The following PTPRD variants were observed in gnomAD, a reference collection of about 807,000 sequenced individuals.
PTPRD encodes the protein protein tyrosine phosphatase receptor type D.
A neutral mutation model predicts 214.5 loss-of-function variants in PTPRD; 34 were observed. That is an observed-to-expected ratio of 0.16 (90% CI 0.12 to 0.21). PTPRD has a LOEUF of 0.21. PTPRD is among the 10% of genes least tolerant of loss of function. PTPRD has a pLI of 1.00. For missense variants in PTPRD, 2,545 were observed against 2,398.7 expected, an observed-to-expected ratio of 1.06 and a Z score of -1.27; for synonymous variants, 1,128 against 845.7, an observed-to-expected ratio of 1.33 and a Z score of -5.79.
intron 8 of PTPRD, among the ~76,000 whole-genome samples, chr9:9,515,035 C>T (rs2096800167): frequency 6.6e-6 from 1 of 152,046 alleles, no homozygotes; most frequent in African/African-American, 2.4e-5. Flanking sequence ...TGCTTTAATA[C>T]TACATTTATA....
chr9:9,405,738 G>A (rs567853403), intron 8 of PTPRD, among the ~76,000 whole-genome samples: 7 of 152,028 alleles, frequency 4.6e-5, no homozygotes, highest in African/African-American at 1.7e-4. Flanking sequence ...CCTGTACCTT[G>A]GGGGAGACAG....
chr9:8,579,187 T>C (rs1372666668), intron 14 of PTPRD, among the ~76,000 whole-genome samples: 2 of 152,346 alleles, frequency 1.3e-5, no homozygotes, highest in Middle Eastern at 3.4e-3. Context: ...ATTTTCTTTG[T>C]AAATGTGAAA....
intron 45 of PTPRD, among the ~76,000 whole-genome samples, chr9:8,319,154 C>G (rs1824746613): frequency 6.6e-6 from 1 of 152,022 alleles, no homozygotes; most frequent in South Asian, 2.1e-4. Flanking sequence ...CTGAAAGATA[C>G]TGTGGATGAT....
intron 11 of PTPRD, among the ~76,000 whole-genome samples, chr9:8,869,955 A>G (rs761240659): frequency 2.0e-5 from 3 of 152,084 alleles, no homozygotes; most frequent in African/African-American, 4.8e-5. Context: ...TTCAGCAGTC[A>G]GCTGTAATTA....
chr9:10,345,189 A>G (rs2097048308), intron 2 of PTPRD, among the ~76,000 whole-genome samples: 1 of 152,184 alleles, frequency 6.6e-6, no homozygotes. Context: ...AATAATCAAA[A>G]TTATAAATTT....
chr9:10,316,023 G>C (rs928886134), intron 3 of PTPRD, among the ~76,000 whole-genome samples: 2 of 151,634 alleles, frequency 1.3e-5, no homozygotes, highest in East Asian at 3.9e-4. Flanking sequence ...AAGACACAAA[G>C]TGAGCTGAAC....
intron 5 of PTPRD, among the ~76,000 whole-genome samples, chr9:9,838,517 C>T (rs1448469346): frequency 1.3e-5 from 2 of 152,056 alleles, no homozygotes; most frequent in South Asian, 2.1e-4. Flanking sequence ...CTCTGATGGC[C>T]AGTGATGGTG....
At chr9:9,280,209 G>A (rs62535762) in intron 9 of PTPRD, among the ~76,000 whole-genome samples, 1 of 151,064 alleles carries the variant, frequency 6.6e-6, no homozygotes, top group South Asian at 2.1e-4. Context: ...GACTTAAGTG[G>A]AGAATCCATA....
chr9:10,026,482 G>T (rs2096925466), intron 4 of PTPRD, among the ~76,000 whole-genome samples: 1 of 152,178 alleles, frequency 6.6e-6, no homozygotes, highest in Non-Finnish European at 1.5e-5. Context: ...TTTCTCAAGA[G>T]TCATGGAAAT....
At chr9:9,798,791 T>C (rs763598140) in intron 5 of PTPRD, among the ~76,000 whole-genome samples, 57 of 152,156 alleles carry the variant, frequency 3.7e-4, no homozygotes, top group Admixed American at 1.3e-4. Context: ...ACACAGCAAA[T>C]TGGAAGCAAA....
rs1473879109 is a variant in PTPRD, at chr9:9,461,442, GC to G, written c.-236-63961del. ...AAATCAGCCTCTCTCAAGTCAAGTA[GC>G]CCAGGGAGAAGATTTAATGGAATTA... On this transcript the variant is annotated intron_variant, in intron 8 of 45. Coordinates refer to ENST00000381196, the MANE Select transcript of PTPRD (RefSeq NM_002839.4). Among the ~76,000 whole-genome samples the G allele has an allele frequency of 7.2e-5, 11 of 152,066 alleles. No individual in the cohort carries two copies. The East Asian group carries it at 2.1e-3, about 29-fold the overall frequency.
intron 12 of PTPRD, among the ~76,000 whole-genome samples, chr9:8,677,822 C>T (rs963918268): frequency 2.0e-5 from 3 of 152,246 alleles, no homozygotes; most frequent in Non-Finnish European, 2.9e-5. Flanking sequence ...CCACAAGCAG[C>T]GGGGACTCAC....
At chr9:8,455,655 A>T (rs1250892290) in intron 33 of PTPRD, among the ~76,000 whole-genome samples, 1 of 152,224 alleles carries the variant, frequency 6.6e-6, no homozygotes, top group Non-Finnish European at 1.5e-5. Flanking sequence ...ACACATACAA[A>T]GTAAATGATG....
chr9:9,875,699 T>A (rs1217735697), intron 5 of PTPRD, among the ~76,000 whole-genome samples: 1 of 152,152 alleles, frequency 6.6e-6, no homozygotes, highest in Non-Finnish European at 1.5e-5. Context: ...GGATCCATGC[T>A]CTAGACAGCT....
At position 10,180,477 on chromosome 9, in the gene PTPRD, T is replaced by C. The variant is rs555489181; in HGVS notation, c.-544-146687A>G. 3.3e-5 allele frequency among the ~76,000 whole-genome samples: 5 copies of C among 152,024 alleles called. No homozygotes were observed. In the South Asian group the frequency reaches 1.0e-3, roughly 32 times the overall value. ...AATATTATATTTCTGGTGGATCATT[T>C]CACTGATGAACACTAACAAACTTCT... On this transcript the variant is annotated intron_variant, in intron 3 of 45. Coordinates refer to ENST00000381196, the MANE Select transcript of PTPRD (RefSeq NM_002839.4).
intron 33 of PTPRD, among the ~76,000 whole-genome samples, chr9:8,453,491 T>C (rs1253333645): frequency 2.0e-5 from 3 of 152,190 alleles, no homozygotes; most frequent in African/African-American, 7.2e-5. Context: ...TAAGTGAGTT[T>C]AAAGTGTTTT....
intron 12 of PTPRD, among the ~76,000 whole-genome samples, chr9:8,679,862 C>G (rs2097516839): frequency 6.6e-6 from 1 of 152,176 alleles, no homozygotes; most frequent in Non-Finnish European, 1.5e-5. Flanking sequence ...CCTTACAAAG[C>G]TTTCAATTTA....
chr9:9,182,843 C>T (rs1052098877), intron 10 of PTPRD, among the ~76,000 whole-genome samples: 4 of 151,940 alleles, frequency 2.6e-5, no homozygotes, highest in South Asian at 2.1e-4. Context: ...TCTGTTTTCT[C>T]ACTTTATTCC....
intron 44 of PTPRD, among the ~76,000 whole-genome samples, chr9:8,321,481 GTGTGTGTA>G (rs1190856928): frequency 5.9e-4 from 29 of 49,172 alleles, no homozygotes; most frequent in Admixed American, 1.4e-3. Flanking sequence ...GTGTGTGTGT[GTGTGTGTA>G]TATATATATA....
Sources: allele counts gnomAD v4.1 joint callset (sites outside exome capture counted in the v4.1 genomes callset), GRCh38; gene constraint gnomAD v4.1.1; transcripts MANE v1.5; gene names NCBI Gene and HGNC (gene_info 2026-07-23, HGNC 2026-07-21).